The following IFT80 variants were observed in gnomAD, a reference collection of about 807,000 sequenced individuals.
The protein encoded by IFT80 is intraflagellar transport 80.
Under a neutral mutation model 107.9 loss-of-function variants are expected in IFT80, and 79 were observed. That is an observed-to-expected ratio of 0.73 (90% CI 0.61 to 0.88). IFT80 has a LOEUF of 0.88. Among genes scored for constraint, IFT80 ranks in the 40% least tolerant of loss-of-function variants. IFT80 has a pLI of 0.00. For missense variants in IFT80, 797 were observed against 914.2 expected (o/e 0.87, Z 1.65); for synonymous variants, 299 against 300.9 (o/e 0.99, Z 0.07).
chr3:160,312,492 G>T (rs891300724), intron 9 of IFT80, among the ~76,000 whole-genome samples: 1 of 141,130 alleles, frequency 7.1e-6, no homozygotes, highest in African/African-American at 2.7e-5. Flanking sequence ...CCTGAAGTAG[G>T]TCTGAGACTC....
chr3:160,355,861 A>T, intron 8 of IFT80, 152 bp downstream of exon 8: 1 of 915,932 alleles, frequency 1.1e-6, no homozygotes, highest in Non-Finnish European at 1.8e-6. Flanking sequence ...ATATATCTGG[A>T]ATTGATTGAA....
At chr3:160,298,344 AT>A (rs1419434355) in intron 12 of IFT80, among the ~76,000 whole-genome samples, 1 of 152,104 alleles carries the variant, frequency 6.6e-6, no homozygotes, top group Non-Finnish European at 1.5e-5. Context: ...CATACAAAAT[AT>A]TTTCCCCTCA....
intron 18 of IFT80, among the ~76,000 whole-genome samples, chr3:160,276,674 G>A (rs998754500): frequency 3.9e-5 from 6 of 152,212 alleles, no homozygotes; most frequent in African/African-American, 1.4e-4. Context: ...AGAGCCTAAT[G>A]TAAGGCTGTT....
At chr3:160,344,621 C>A (rs1200899732) in intron 8 of IFT80, among the ~76,000 whole-genome samples, 1 of 152,042 alleles carries the variant, frequency 6.6e-6, no homozygotes, top group Non-Finnish European at 1.5e-5. Flanking sequence ...AGCTTCTGTA[C>A]AGCAGAGGAG....
intron 6 of IFT80, among the ~76,000 whole-genome samples, chr3:160,363,420 G>A (rs533607960): frequency 6.6e-6 from 1 of 152,218 alleles, no homozygotes; most frequent in Admixed American, 6.5e-5. Flanking sequence ...AATCAGTATC[G>A]TGAAAATGGC....
At chr3:160,273,226 C>T (rs1713963683) in intron 18 of IFT80, among the ~76,000 whole-genome samples, 2 of 152,164 alleles carry the variant, frequency 1.3e-5, no homozygotes, top group South Asian at 4.1e-4. Context: ...ATTTGCAGTC[C>T]TTTCTTATCC....
chr3:160,367,909 G>A (rs940856256), intron 5 of IFT80, among the ~76,000 whole-genome samples: 2 of 151,914 alleles, frequency 1.3e-5, no homozygotes, highest in African/African-American at 4.8e-5. Context: ...CCACTTGCCC[G>A]GCCCAGCTGC....
intron 5 of IFT80, among the ~76,000 whole-genome samples, chr3:160,374,569 C>T (rs1045109479): frequency 1.3e-5 from 2 of 152,176 alleles, no homozygotes; most frequent in Non-Finnish European, 2.9e-5. Context: ...ACTTCAGCTG[C>T]TGCACACTGT....
chr3:160,396,852 T>C (rs1256413496), intron 1 of IFT80, among the ~76,000 whole-genome samples: 3 of 152,210 alleles, frequency 2.0e-5, no homozygotes, highest in Admixed American at 6.5e-5. Flanking sequence ...TTTATACTTA[T>C]TCTGAATGTC....
chr3:160,286,404 G>A (rs763430689), intron 12 of IFT80, among the ~76,000 whole-genome samples: 3 of 152,190 alleles, frequency 2.0e-5, no homozygotes, highest in Non-Finnish European at 2.9e-5. Context: ...GGGGAAGTGT[G>A]GATGGTTTTT....
chr3:160,386,204 T>C (rs540773283), intron 1 of IFT80, among the ~76,000 whole-genome samples: 11 of 152,250 alleles, frequency 7.2e-5, no homozygotes, highest in African/African-American at 2.7e-4. Flanking sequence ...AGATTCTCCC[T>C]TACTCAGAAA....
chr3:160,393,330 G>C (rs1713526723), intron 1 of IFT80, among the ~76,000 whole-genome samples: 1 of 152,164 alleles, frequency 6.6e-6, no homozygotes, highest in Non-Finnish European at 1.5e-5. Flanking sequence ...GTGGATATAT[G>C]TGTTTATAAT....
chr3:160,326,819 G>C (rs545546273), intron 8 of IFT80, among the ~76,000 whole-genome samples: 27 of 152,046 alleles, frequency 1.8e-4, no homozygotes, highest in African/African-American at 6.3e-4. Context: ...GTTCTGGCCA[G>C]AGCAATCAGG....
intron 8 of IFT80, among the ~76,000 whole-genome samples, chr3:160,338,299 C>T (rs1719641589): frequency 6.6e-6 from 1 of 152,162 alleles, no homozygotes; most frequent in Admixed American, 6.5e-5. Flanking sequence ...CTGGCACCAA[C>T]TGCACAGAAA....
At position 160,292,255 on chromosome 3, in the gene IFT80, G is replaced by A. The variant is rs182134515; in HGVS notation, c.1316-6387C>T. Among the ~76,000 whole-genome samples, 41 of 152,256 alleles carry A rather than the reference G, an allele frequency of 2.7e-4. No homozygotes were observed. In the South Asian group the frequency reaches 3.7e-3, roughly 14 times the overall value. On this transcript the variant is annotated intron_variant, in intron 12 of 19. Coordinates refer to ENST00000326448, the MANE Select transcript of IFT80 (RefSeq NM_020800.3). ...GATTTGGACCACCTAGTCACATTTC[G>A]TCAGACCAAGGAACATACCTTACAA...
At position 160,257,099 on chromosome 3, in the gene IFT80, C is replaced by A. The variant is rs1430726959; in HGVS notation, c.*1426G>T. The A allele has an allele frequency of 6.6e-6, 1 of 152,062 alleles. No homozygotes were observed. The highest frequency in any genetic ancestry group is 1.5e-5 in the Non-Finnish European group (1 of 67,992). 9.4% of individuals were successfully genotyped at this position (152,062 alleles called of 1,614,324 possible). A position where few individuals can be genotyped will look rare whatever the true frequency, so the allele number is the denominator to read the frequency against. ...TTTTAAGCTTCTTATTGAAATATAA[C>A]AATATAGGAAACACATACACAGTAC... On this transcript the variant is annotated 3_prime_UTR_variant, in exon 20 of 20. Transcript: ENST00000326448.
At chr3:160,317,602 TATACAGA>T (rs1717913223) in intron 9 of IFT80, among the ~76,000 whole-genome samples, 1 of 152,146 alleles carries the variant, frequency 6.6e-6, no homozygotes, top group Non-Finnish European at 1.5e-5. Flanking sequence ...TTCTATGTCA[TATACAGA>T]ATATTATAAT....
chr3:160,309,496 G>A (rs544440401), intron 9 of IFT80, among the ~76,000 whole-genome samples: 11 of 152,286 alleles, frequency 7.2e-5, no homozygotes, highest in African/African-American at 2.6e-4. Context: ...GACCATCCTG[G>A]CTAATGCGGT....
At chr3:160,313,998 T>G (rs748796200) in intron 9 of IFT80, among the ~76,000 whole-genome samples, 2 of 152,146 alleles carry the variant, frequency 1.3e-5, no homozygotes, top group African/African-American at 2.4e-5. Context: ...ACCTAATTCT[T>G]CTATATGATC....
Sources: gnomAD v4.1 joint callset for allele counts (sites outside exome capture counted in the v4.1 genomes callset) on GRCh38, gnomAD v4.1.1 for gene constraint, MANE v1.5 for transcripts, NCBI Gene and HGNC (gene_info 2026-07-23, HGNC 2026-07-21) for gene names.